The following ABCA3 variants were observed in gnomAD, a reference collection of about 807,000 sequenced individuals.
ABCA3 encodes ATP binding cassette subfamily A member 3.
In ABCA3, 88 loss-of-function variants were observed where a neutral mutation model predicts 172.8. The observed-to-expected ratio is 0.51, with a 90% CI of 0.43 to 0.61. The LOEUF is 0.61. Among genes scored for constraint, ABCA3 ranks in the 20% least tolerant of loss-of-function variants. ABCA3 has a pLI of 0.00. For synonymous variants in ABCA3, 1,066 were observed against 983.8 expected, an observed-to-expected ratio of 1.08 and a Z score of -1.56; for missense variants, 2,164 against 2,301.0, an observed-to-expected ratio of 0.94 and a Z score of 1.22.
chr16:2,320,097 T>C (rs890114203), intron 7 of ABCA3, among the ~76,000 whole-genome samples: 1 of 151,626 alleles, frequency 6.6e-6, no homozygotes, highest in Non-Finnish European at 1.5e-5. Flanking sequence ...ATCACACACA[T>C]GATCACTTTT....
rs1477802339 is a variant in ABCA3, at chr16:2,277,586, G to A, written c.4983+11C>T. On this transcript the variant is annotated intron_variant, in intron 32 of 32. Transcript: ENST00000301732. This position sits in a 1 kb window ranked among gnomAD's most constrained non-coding sequence, Gnocchi z 5.3. The stretch of plus-strand genomic sequence containing the variant: ...CATGAGTGCCCAGTGGGGCCCCAGG[G>A]ACTGCCTCACCTTCGCCCAGCTGAG... 2 of 1,612,892 alleles carry A rather than the reference G, an allele frequency of 1.2e-6. No individual in the cohort carries two copies. The highest frequency in any genetic ancestry group is 2.2e-5 in the East Asian group (1 of 44,890).
intron 1 of ABCA3, among the ~76,000 whole-genome samples, chr16:2,330,717 G>C (rs1360258429): frequency 2.0e-5 from 1 of 49,930 alleles, no homozygotes; most frequent in African/African-American, 7.7e-5. Context: ...TTTTTTTTTT[G>C]AGACGGAGTC....
intron 1 of ABCA3, chr16:2,332,233 CTTT>C: frequency 5.8e-5 from 21 of 364,928 alleles, no homozygotes; most frequent in South Asian, 8.8e-5. Flanking sequence ...TCCTCCATTT[CTTT>C]TTTTTTTTTC....
Position 2,280,893 on chromosome 16 carries a change from G to GGCAT in ABCA3, c.4359+130_4359+133dup, listed in dbSNP as rs2093653889. On this transcript the variant is annotated intron_variant, in intron 28 of 32. Coordinates refer to ENST00000301732, the MANE Select transcript of ABCA3 (RefSeq NM_001089.3). ...TCATTACCTTGTCTCGCTGTCCAGA[G>GGCAT]GCATGTGCTGGGCCCATTTCAAGCC... 4 of 1,168,576 alleles carry GGCAT rather than the reference G, an allele frequency of 3.4e-6. No individual in the cohort carries two copies. In the South Asian group the frequency reaches 3.9e-5, roughly 11 times the overall value. 72.4% of individuals were successfully genotyped at this position (1,168,576 alleles called of 1,614,324 possible).
At position 2,286,042 on chromosome 16, in the gene ABCA3, C is replaced by G. The variant is rs1225764913; in HGVS notation, c.3279-396G>C. On this transcript the variant is annotated intron_variant, in intron 22 of 32. Coordinates refer to ENST00000301732, the MANE Select transcript of ABCA3 (RefSeq NM_001089.3). The surrounding 1 kb of genome is among the most constrained non-coding windows in gnomAD (Gnocchi z 5.2). ...TGAGTTGATGGCAAGGAGAGCAGAT[C>G]GAGGGCTGTTGCTTTTCTGCTCTTG... Among the ~76,000 whole-genome samples, 1 of 152,176 alleles carries G rather than the reference C, an allele frequency of 6.6e-6. No homozygotes were observed. The highest frequency in any genetic ancestry group is 1.5e-5 in the Non-Finnish European group (1 of 68,042).
chr16:2,322,031 C>T (rs1200513406), intron 7 of ABCA3, among the ~76,000 whole-genome samples: 1 of 151,952 alleles, frequency 6.6e-6, no homozygotes, highest in Non-Finnish European at 1.5e-5. Context: ...AACCCCGTCT[C>T]TACTAAAAAT....
chr16:2,318,633 C>T (rs926631899), intron 8 of ABCA3, among the ~76,000 whole-genome samples: 1 of 152,022 alleles, frequency 6.6e-6, no homozygotes. Context: ...GTGCCTCAGC[C>T]TCCCAAGCAG....
intron 18 of ABCA3, among the ~76,000 whole-genome samples, chr16:2,294,071 G>A (rs1353674936): frequency 1.3e-5 from 2 of 151,584 alleles, no homozygotes; most frequent in East Asian, 1.9e-4. Flanking sequence ...GGGTGCAGGG[G>A]TGCAGGGGTG....
chr16:2,277,504 G>GAA lies in ABCA3; in HGVS notation c.4983+91_4983+92dup. On this transcript the variant is annotated intron_variant, in intron 32 of 32. Coordinates refer to ENST00000301732, the MANE Select transcript of ABCA3 (RefSeq NM_001089.3). The surrounding 1 kb of genome is among the most constrained non-coding windows in gnomAD (Gnocchi z 5.3). ...AGAAATGGAAAGTGACTCCTCTGTG[G>GAA]AAAGAGCCTGCAGTCACCACAGAGG... The GAA allele has an allele frequency of 7.4e-7, 1 of 1,343,948 alleles. No individual in the cohort carries two copies. The highest frequency in any genetic ancestry group is 1.4e-5 in the African/African-American group (1 of 69,436). 83.3% of individuals were successfully genotyped at this position (1,343,948 alleles called of 1,614,324 possible).
rs967333756 is a variant in ABCA3, at chr16:2,319,851, G to A, written c.614-11C>T. Reference sequence around the variant, plus strand: ...CTTCCCGGATGTACCCTGGGTGCGGGAGCAGAGGATGGCCCAGCCACCTCG... The same window carrying A: ...CTTCCCGGATGTACCCTGGGTGCGGAAGCAGAGGATGGCCCAGCCACCTCG... On this transcript the variant is annotated splice_polypyrimidine_tract_variant and intron_variant, in intron 7 of 32. Coordinates refer to ENST00000301732, the MANE Select transcript of ABCA3 (RefSeq NM_001089.3). The A allele has an allele frequency of 2.5e-6, 4 of 1,613,232 alleles. No individual in the cohort carries two copies. The highest frequency in any genetic ancestry group is 3.4e-6 in the Non-Finnish European group (4 of 1,180,004).
At chr16:2,325,932 T>A in intron 5 of ABCA3, 78 bp downstream of exon 5, 1 of 1,597,680 alleles carries the variant, frequency 6.3e-7, no homozygotes, top group South Asian at 1.1e-5. Context: ...GCTTCGCACA[T>A]CCTGGGCTCG....
Position 2,326,186 on chromosome 16 carries a change from G to T in ABCA3, c.143C>A (p.Ser48Ter). 1.2e-6 allele frequency: 2 copies of T among 1,614,134 alleles called. No individual in the cohort carries two copies. The highest frequency in any genetic ancestry group is 1.7e-6 in the Non-Finnish European group (2 of 1,180,040). ...GATGGTGGCGTTGGGCACATTTTCCGACTGAATCTTCAAGCGGAGCCAGAT... is the reference window on the plus strand; with the variant it reads ...GATGGTGGCGTTGGGCACATTTTCCTACTGAATCTTCAAGCGGAGCCAGAT... Reference protein sequence around the residue: ...ILIWLRLKIQSENVPNATIYP... With the variant: ...ILIWLRLKIQ The change falls in exon 5 of 33, where the codon TCG becomes TAG. Residue 48 changes from serine to a stop codon, truncating the protein, a stop_gained. Coordinates refer to ENST00000301732, the MANE Select transcript of ABCA3 (RefSeq NM_001089.3). LOFTEE classifies it high-confidence loss of function.
At chr16:2,329,935 G>A (rs765645202) in intron 1 of ABCA3, 81 bp from the exon 2 acceptor site, 1 of 152,162 alleles carries the variant, frequency 6.6e-6, no homozygotes, top group Non-Finnish European at 1.5e-5. Flanking sequence ...AAACAGAAGA[G>A]CAAAATAGAT....
chr16:2,277,770 G>A lies in ABCA3; in HGVS notation c.4910-100C>T, dbSNP rs561916294. 6.3e-5 allele frequency: 101 copies of A among 1,592,956 alleles called. 1 individual carries two copies. In the South Asian group the frequency reaches 9.5e-4, roughly 15 times the overall value. On this transcript the variant is annotated intron_variant, in intron 31 of 32. Coordinates refer to ENST00000301732, the MANE Select transcript of ABCA3 (RefSeq NM_001089.3). This position sits in a 1 kb window ranked among gnomAD's most constrained non-coding sequence, Gnocchi z 5.3. ...TGGAGTCCTCGTCCCAGGGATTGGG[G>A]AGATGGGACTTGGCGGGGCGAGGCA...
intron 10 of ABCA3, among the ~76,000 whole-genome samples, chr16:2,315,027 G>A (rs1331147048): frequency 4.0e-5 from 6 of 151,130 alleles, no homozygotes; most frequent in South Asian, 2.1e-4. Flanking sequence ...ACAGGTACCC[G>A]CCACCACACC....
At chr16:2,317,208 A>C in intron 10 of ABCA3, 75 bp downstream of exon 10, 1 of 1,601,032 alleles carries the variant, frequency 6.2e-7, no homozygotes, top group Non-Finnish European at 8.5e-7. Context: ...TTCCGATCAC[A>C]GCCTCTGGGT....
Position 2,285,789 on chromosome 16 carries a change from G to C in ABCA3, c.3279-143C>G. The C allele has an allele frequency of 1.3e-6, 1 of 791,626 alleles. No homozygotes were observed. Among genetic ancestry groups the C allele is most frequent in the Non-Finnish European group, 2.1e-6 (1 of 471,316 alleles). 49.0% of individuals were successfully genotyped at this position (791,626 alleles called of 1,614,324 possible). On this transcript the variant is annotated intron_variant, in intron 22 of 32. Transcript: ENST00000301732. The surrounding 1 kb of genome is among the most constrained non-coding windows in gnomAD (Gnocchi z 4.7). ...GCTTATGGGAGAGCACAAGCACCAT[G>C]GTTCCATACCGGGAACATCTGCCCC... is the stretch of plus-strand genomic sequence containing the variant.
rs201775187 is a variant in ABCA3, at chr16:2,292,242, A to C, written c.2415-4T>G. On this transcript the variant is annotated splice_region_variant and splice_polypyrimidine_tract_variant and intron_variant, in intron 18 of 32. Transcript: ENST00000301732. ...TTTAGCAAAGAGACCTTCAAACCTG[A>C]AAAACAGACCCAGCATTATGAGTCA... 283 of 1,610,402 alleles carry C rather than the reference A, an allele frequency of 1.8e-4. No homozygotes were observed. The highest frequency in any genetic ancestry group is 2.3e-4 in the Non-Finnish European group (268 of 1,177,104).
Position 2,299,411 on chromosome 16 carries a change from A to G in ABCA3, c.1733T>C (p.Met578Thr). 6.2e-7 allele frequency: 1 copy of G among 1,613,688 alleles called. No homozygotes were observed. Among genetic ancestry groups the G allele is most frequent in the South Asian group, 1.1e-5 (1 of 91,080 alleles). The change falls in exon 14 of 33, where the codon ATG becomes ACG. Residue 578 changes from methionine (M) to threonine (T), a missense_variant. Physicochemically the swap from Met to Thr is moderately conservative, Grantham distance 81. Coordinates refer to ENST00000301732, the MANE Select transcript of ABCA3 (RefSeq NM_001089.3). Reference protein sequence around the residue: ...NGAGKTTTLSMLTGLFPPTSG... With the variant: ...NGAGKTTTLSTLTGLFPPTSG... The stretch of plus-strand genomic sequence containing the variant: ...AGGCGCCTGGCCCTCACCTGTGAGC[A>G]TGGAGAGGGTGGTGGTCTTCCCGGC...
Sources: allele counts gnomAD v4.1 joint callset (sites outside exome capture counted in the v4.1 genomes callset), GRCh38; gene constraint gnomAD v4.1.1; non-coding constraint Gnocchi (gnomAD v3.1); transcripts MANE v1.5; gene names NCBI Gene and HGNC (gene_info 2026-07-23, HGNC 2026-07-21).